The following DNAH5 variants were observed in gnomAD, a reference collection of about 807,000 sequenced individuals.
DNAH5 encodes the protein dynein axonemal heavy chain 5.
A neutral mutation model predicts 518.2 loss-of-function variants in DNAH5; 372 were observed. The observed-to-expected ratio is 0.72, with a 90% CI of 0.66 to 0.78. DNAH5 has a LOEUF of 0.78. Among genes scored for constraint, DNAH5 ranks in the 30% least tolerant of loss-of-function variants. DNAH5 has a pLI of 0.00. For synonymous variants in DNAH5, 2,039 were observed against 2,025.9 expected, an observed-to-expected ratio of 1.01 and a Z score of -0.17; for missense variants, 5,523 against 5,687.0, an observed-to-expected ratio of 0.97 and a Z score of 0.93.
chr5:13,977,652 C>A (rs1338589363), intron 1 of DNAH5, among the ~76,000 whole-genome samples: 1 of 152,142 alleles, frequency 6.6e-6, no homozygotes, highest in Non-Finnish European at 1.5e-5. Flanking sequence ...ACTCCAATTT[C>A]TCCGTCGAAG....
rs142891256 is a variant in DNAH5 at position 13,970,067 on chromosome 5, G to A, written c.13-38823C>T. Among the ~76,000 whole-genome samples, 245 of 152,106 alleles carry A rather than the reference G, an allele frequency of 1.6e-3. 1 individual carries two copies. Among genetic ancestry groups the A allele is most frequent in the African/African-American group, 5.7e-3 (235 of 41,524 alleles). ...ATAATATCCCTCTGTCTTTTTTAAT[G>A]GTTGTTGCTTTCAAGTCTGTTTTGT... On this transcript the variant is annotated intron_variant, in intron 1 of 78. Transcript: ENST00000681290.
chr5:13,965,547 A>T (rs921584295), intron 1 of DNAH5, among the ~76,000 whole-genome samples: 2 of 152,200 alleles, frequency 1.3e-5, no homozygotes, highest in Non-Finnish European at 2.9e-5. Context: ...GCTTTGTTTA[A>T]GGCATTATTT....
rs1561407249 is a variant in DNAH5 at position 13,842,437 on chromosome 5, A to AGAGAGAGAGAGAGAGAGAGAGAG, written c.5272-534_5272-533insCTCTCTCTCTCTCTCTCTCTCTC. On this transcript the variant is annotated intron_variant, in intron 32 of 78. Coordinates refer to ENST00000265104, the MANE Select transcript of DNAH5 (RefSeq NM_001369.3). Reference sequence around the variant, plus strand: ...GAAAAGAAAAGAAAAGAAAGAAAGAAAGAAAGAAAGAAAGAAAGAAAGAAA... The same window carrying AGAGAGAGAGAGAGAGAGAGAGAG: ...GAAAAGAAAAGAAAAGAAAGAAAGAAGAGAGAGAGAGAGAGAGAGAGAGAGAAAGAAAGAAAGAAAGAAAGAAA... Among the ~76,000 whole-genome samples, 551 of 91,370 alleles carry AGAGAGAGAGAGAGAGAGAGAGAG rather than the reference A, an allele frequency of 6.0e-3. 59 individuals are homozygous for AGAGAGAGAGAGAGAGAGAGAGAG. The highest frequency in any genetic ancestry group is 0.011 in the African/African-American group (238 of 22,252). 59.9% of individuals were successfully genotyped at this position (91,370 alleles called of 152,430 possible).
chr5:13,810,686 G>A (rs370459658), intron 44 of DNAH5, among the ~76,000 whole-genome samples: 53 of 151,940 alleles, frequency 3.5e-4, no homozygotes, highest in African/African-American at 1.1e-3. Context: ...CTTGGGAGGC[G>A]GAGCTTGCAG....
chr5:13,833,826 A>C (rs1425645767), intron 35 of DNAH5, among the ~76,000 whole-genome samples: 1 of 152,224 alleles, frequency 6.6e-6, no homozygotes, highest in Admixed American at 6.5e-5. Flanking sequence ...AAACACTACG[A>C]GTTTTGGAGA....
At chr5:13,817,857 T>C (rs1761658924) in intron 41 of DNAH5, among the ~76,000 whole-genome samples, 163 bp from the exon 42 acceptor site, 3 of 152,230 alleles carry the variant, frequency 2.0e-5, no homozygotes, top group African/African-American at 7.2e-5. Context: ...TTACCATAAT[T>C]AGCTTCATTA....
intron 1 of DNAH5, among the ~76,000 whole-genome samples, chr5:13,932,944 A>G (rs1778557701): frequency 6.6e-6 from 1 of 152,262 alleles, no homozygotes; most frequent in Non-Finnish European, 1.5e-5. Context: ...TTCTCAATTT[A>G]GCACGATGAC....
chr5:13,929,654 AG>A, intron 2 of DNAH5, among the ~76,000 whole-genome samples: 1 of 152,320 alleles, frequency 6.6e-6, no homozygotes, highest in South Asian at 2.1e-4. Flanking sequence ...AATGCAGTGA[AG>A]GGCATGCTTC....
At chr5:13,871,970 T>C (rs1399536860) in intron 22 of DNAH5, among the ~76,000 whole-genome samples, 1 of 152,212 alleles carries the variant, frequency 6.6e-6, no homozygotes, top group Non-Finnish European at 1.5e-5. Flanking sequence ...TTCACTGTTA[T>C]CATCCCTAGC....
chr5:13,922,218 C>T lies in DNAH5; in HGVS notation c.549G>A (p.Trp183Ter). Reference sequence around the variant, plus strand: ...CGTCCTGAAGGCCCTCGAGCTCGCCCCAGCCATGGCTCGTGGCTCTGAGAG... The same window carrying T: ...CGTCCTGAAGGCCCTCGAGCTCGCCTCAGCCATGGCTCGTGGCTCTGAGAG... Reference protein sequence around the residue: ...IPALRATSHGWGELEGLQDAA... With the variant: ...IPALRATSHG The change falls in exon 5 of 79, where the codon TGG becomes TGA. Residue 183 changes from tryptophan (W) to a stop codon, truncating the protein, a stop_gained. Transcript: ENST00000265104. LOFTEE classifies it high-confidence loss of function. The T allele has an allele frequency of 1.2e-6, 2 of 1,614,068 alleles. No individual in the cohort carries two copies. The highest frequency in any genetic ancestry group is 1.1e-5 in the South Asian group (1 of 91,070).
chr5:13,697,914 TC>T (rs1741583498), intron 78 of DNAH5, among the ~76,000 whole-genome samples: 2 of 152,320 alleles, frequency 1.3e-5, no homozygotes. Flanking sequence ...CTTGAATTTG[TC>T]CCCTAAAATT....
At chr5:13,992,183 T>C (rs1783604143) in intron 1 of DNAH5, among the ~76,000 whole-genome samples, 1 of 152,232 alleles carries the variant, frequency 6.6e-6, no homozygotes, top group Non-Finnish European at 1.5e-5. Flanking sequence ...ATATTATTCA[T>C]GTCACTGCAA....
chr5:13,931,008 C>T, intron 2 of DNAH5, 102 bp downstream of exon 2: 3 of 1,570,546 alleles, frequency 1.9e-6, no homozygotes, highest in Admixed American at 1.7e-5. Context: ...TTAAGACAGG[C>T]ACCTCCCTCT....
At chr5:13,886,669 A>C (rs1772485866) in intron 17 of DNAH5, among the ~76,000 whole-genome samples, 1 of 152,240 alleles carries the variant, frequency 6.6e-6, no homozygotes, top group Non-Finnish European at 1.5e-5. Flanking sequence ...TCAGTGATTT[A>C]CCACCTGGTT....
At chr5:13,843,771 C>T (rs1231186585) in intron 32 of DNAH5, among the ~76,000 whole-genome samples, 1 of 152,212 alleles carries the variant, frequency 6.6e-6, no homozygotes, top group Non-Finnish European at 1.5e-5. Flanking sequence ...ACCTTCAAAA[C>T]ATCAGTGCAA....
At chr5:13,945,457 TTCAGA>T (rs1779833174), upstream of DNAH5, among the ~76,000 whole-genome samples, 1 of 152,164 alleles carries the variant, frequency 6.6e-6, no homozygotes. Context: ...CTGACATGGT[TTCAGA>T]ACATGGAGAT....
rs999076959 is a variant in DNAH5 at position 13,815,538 on chromosome 5, C to T, written c.6989-692G>A. ...CATGAAGAAAGCCCTCCCCAGAACC[C>T]GACCATGCTGGCTCCCTGATCTCAG... On this transcript the variant is annotated intron_variant, in intron 42 of 78. Coordinates refer to ENST00000265104, the MANE Select transcript of DNAH5 (RefSeq NM_001369.3). Among the ~76,000 whole-genome samples, 197 of 152,280 alleles carry T rather than the reference C, an allele frequency of 1.3e-3. 3 individuals carry two copies. Among genetic ancestry groups the T allele is most frequent in the East Asian group, 1.7e-3 (9 of 5,178 alleles).
At chr5:13,807,519 A>C (rs1580348235) in intron 47 of DNAH5, 72 bp downstream of exon 47, 1 of 1,427,778 alleles carries the variant, frequency 7.0e-7, no homozygotes, top group Non-Finnish European at 9.8e-7. Context: ...ATTGAAGCAG[A>C]ATAGTAGAGA....
At chr5:13,931,849 T>A (rs1258507199) in intron 1 of DNAH5, among the ~76,000 whole-genome samples, 1 of 152,240 alleles carries the variant, frequency 6.6e-6, no homozygotes, top group Non-Finnish European at 1.5e-5. Flanking sequence ...TATATTTACA[T>A]CATACTATAA....
Sources: allele counts gnomAD v4.1 joint callset (sites outside exome capture counted in the v4.1 genomes callset), GRCh38; gene constraint gnomAD v4.1.1; transcripts MANE v1.5; gene names NCBI Gene and HGNC (gene_info 2026-07-23, HGNC 2026-07-21).